The following NCOR2 variants were observed in gnomAD, a reference collection of about 807,000 sequenced individuals.
NCOR2 encodes the protein nuclear receptor corepressor 2.
Under a neutral mutation model 262.9 loss-of-function variants are expected in NCOR2, and 81 were observed. The ratio of observed to expected loss-of-function variants is 0.31; its 90% confidence interval spans 0.26 to 0.37. NCOR2 has a LOEUF of 0.37. Among genes scored for constraint, NCOR2 ranks in the 10% least tolerant of loss-of-function variants. The pLI, the probability that NCOR2 is intolerant of heterozygous loss-of-function variation, is 1.00. For synonymous variants in NCOR2, 1,659 were observed against 1,559.3 expected, an observed-to-expected ratio of 1.06 and a Z score of -1.51; for missense variants, 3,385 against 3,621.4, an observed-to-expected ratio of 0.93 and a Z score of 1.68.
At position 124,504,589 on chromosome 12, in the gene NCOR2, C is replaced by T. The variant is rs926436904; in HGVS notation, c.-117-9221G>A. 2.6e-5 allele frequency among the ~76,000 whole-genome samples: 4 copies of T among 152,298 alleles called. No individual in the cohort carries two copies. Among genetic ancestry groups the T allele is most frequent in the African/African-American group, 9.6e-5 (4 of 41,566 alleles). On this transcript the variant is annotated intron_variant, in intron 1 of 46. Transcript: ENST00000404621. The surrounding 1 kb of genome is among the most constrained non-coding windows in gnomAD (Gnocchi z 4.5). ...AAAACAAACAGAAAGGATTAGAATG[C>T]CCACAGCAGCACTATTTACATCAGC...
At chr12:124,383,408 G>T in intron 17 of NCOR2, 1 of 383,694 alleles carries the variant, frequency 2.6e-6, no homozygotes, top group Non-Finnish European at 4.3e-6. Context: ...CTGCATGTTC[G>T]TCCACGCCAG....
chr12:124,357,748 T>G (rs574163766), intron 22 of NCOR2, among the ~76,000 whole-genome samples: 1 of 152,354 alleles, frequency 6.6e-6, no homozygotes, highest in South Asian at 2.1e-4. Flanking sequence ...CAGGAAAAGC[T>G]TGCTGGCCTG....
chr12:124,456,772 G>T (rs926849403), intron 6 of NCOR2, among the ~76,000 whole-genome samples: 1 of 152,168 alleles, frequency 6.6e-6, no homozygotes, highest in African/African-American at 2.4e-5. Flanking sequence ...GGCTCTCCGC[G>T]CTCAGCTGGA....
rs1228385842 is a variant in NCOR2, at chr12:124,449,985, C to A, written c.763-118G>T. ...AGCTGTCCTCTGGGTGAGGGCTCAG[C>A]CGCAGGCAGGCATGAAACAGAACAC... On this transcript the variant is annotated intron_variant, in intron 6 of 46. Coordinates refer to ENST00000405201, the Ensembl canonical transcript of NCOR2. 3.0e-6 allele frequency: 3 copies of A among 1,014,164 alleles called. No individual in the cohort carries two copies. The African/African-American group carries it at 4.8e-5, about 16-fold the overall frequency. 62.8% of individuals were successfully genotyped at this position (1,014,164 alleles called of 1,614,324 possible). A position where few individuals can be genotyped will look rare whatever the true frequency, so the allele number is the denominator to read the frequency against.
chr12:124,525,579 T>A (rs2050421925), intron 1 of NCOR2, among the ~76,000 whole-genome samples: 2 of 152,244 alleles, frequency 1.3e-5, no homozygotes, highest in Non-Finnish European at 2.9e-5. Context: ...ATGTCCCACG[T>A]CCTGACCATC....
chr12:124,372,189 C>T (rs760706990), exon 20 of NCOR2: 8 of 1,601,508 alleles, frequency 5.0e-6, no homozygotes, highest in African/African-American at 4.0e-5. Flanking sequence ...CAGCGGCCTC[C>T]GCGTCCTTGC....
intron 13 of NCOR2, among the ~76,000 whole-genome samples, chr12:124,415,113 C>T (rs1357756838): frequency 6.6e-6 from 1 of 152,190 alleles, no homozygotes; most frequent in Non-Finnish European, 1.5e-5. Flanking sequence ...CATGCTGAGG[C>T]AGCGGGGTAG....
At chr12:124,547,609 C>G (rs2051579888) in intron 1 of NCOR2, among the ~76,000 whole-genome samples, 1 of 152,196 alleles carries the variant, frequency 6.6e-6, no homozygotes, top group East Asian at 1.9e-4. Flanking sequence ...CTATCTAATT[C>G]CAAAACATTT....
At chr12:124,431,701 C>G (rs2043950877) in intron 8 of NCOR2, among the ~76,000 whole-genome samples, 1 of 151,242 alleles carries the variant, frequency 6.6e-6, no homozygotes, top group African/African-American at 2.4e-5. Context: ...CATACAGTCA[C>G]AGACACACAC....
intron 6 of NCOR2, among the ~76,000 whole-genome samples, chr12:124,453,151 C>T (rs2045648476): frequency 6.6e-6 from 1 of 152,146 alleles, no homozygotes; most frequent in South Asian, 2.1e-4. Flanking sequence ...TCCCCAACAT[C>T]CCCCTCATCC....
At chr12:124,541,799 T>C in intron 1 of NCOR2, among the ~76,000 whole-genome samples, 1 of 9,310 alleles carries the variant, frequency 1.1e-4, no homozygotes, top group East Asian at 3.6e-3. Context: ...TGGGGGTGGA[T>C]ATGGAGGGGG....
At chr12:124,451,054 TGTGGCCA>T (rs2045494754) in intron 6 of NCOR2, among the ~76,000 whole-genome samples, 1 of 152,276 alleles carries the variant, frequency 6.6e-6, no homozygotes, top group Admixed American at 6.5e-5. Context: ...ATGACCTTGC[TGTGGCCA>T]GTGGAATTGC....
chr12:124,333,391 C>G, intron 41 of NCOR2, 112 bp from the exon 44 acceptor site: 1 of 1,041,488 alleles, frequency 9.6e-7, no homozygotes, highest in Non-Finnish European at 1.3e-6. Context: ...GTGGCCAAAT[C>G]ATAAACGTTT....
chr12:124,338,486 C>CG (rs1249575643), intron 37 of NCOR2, among the ~76,000 whole-genome samples: 6 of 140,308 alleles, frequency 4.3e-5, no homozygotes, highest in Non-Finnish European at 7.5e-5. Context: ...CCAGCCTGGG[C>CG]GACAGAGTAC....
chr12:124,451,186 C>T (rs149578323), intron 6 of NCOR2, among the ~76,000 whole-genome samples: 1 of 152,252 alleles, frequency 6.6e-6, no homozygotes, highest in Admixed American at 6.5e-5. Context: ...CAAGGAGCAG[C>T]GTGGTGCAAC....
In NCOR2 at chr12:124,523,119, G is replaced by A. The variant is rs759174477; in HGVS notation, c.-118+12446C>T. Among the ~76,000 whole-genome samples the A allele has an allele frequency of 5.9e-5, 9 of 152,202 alleles. No individual in the cohort carries two copies. The highest frequency in any genetic ancestry group is 1.2e-4 in the Non-Finnish European group (8 of 68,038). On this transcript the variant is annotated intron_variant, in intron 1 of 46. Coordinates refer to the NCOR2 transcript ENST00000404621. This position sits in a 1 kb window ranked among gnomAD's most constrained non-coding sequence, Gnocchi z 4.0. ...AGCATCAAAATGAAGCCCTGACCACGTTGGCTAAGGGAAGCCAACGGTACT... is the reference window on the plus strand; with the variant it reads ...AGCATCAAAATGAAGCCCTGACCACATTGGCTAAGGGAAGCCAACGGTACT...
At position 124,487,374 on chromosome 12, in the gene NCOR2, G is replaced by T. The variant is rs2047821853; in HGVS notation, c.106-806C>A. On this transcript the variant is annotated intron_variant, in intron 1 of 46. Transcript: ENST00000405201. ...GAACTCCCCGCTCGTATCACAGCCA[G>T]AAGGGTAAGCCTTAGGCAGACCTTC... Among the ~76,000 whole-genome samples the T allele has an allele frequency of 2.6e-5, 4 of 152,256 alleles. No homozygotes were observed. The South Asian group carries it at 8.3e-4, about 31-fold the overall frequency.
In NCOR2 at chr12:124,495,132, T is replaced by C. The variant is rs201531964; in HGVS notation, c.105+15A>G. 6 of 1,613,068 alleles carry C rather than the reference T, an allele frequency of 3.7e-6. No individual in the cohort carries two copies. The highest frequency in any genetic ancestry group is 1.3e-5 in the African/African-American group (1 of 74,972). On this transcript the variant is annotated intron_variant, in intron 1 of 46. Coordinates refer to ENST00000405201, the Ensembl canonical transcript of NCOR2. This position sits in a 1 kb window ranked among gnomAD's most constrained non-coding sequence, Gnocchi z 4.4. Reference sequence around the variant, plus strand: ...TCAAAGGTAGCCCCAGGCGCACACATGTGCACCCCCTTACCGTGTGCGTCC... The same window carrying C: ...TCAAAGGTAGCCCCAGGCGCACACACGTGCACCCCCTTACCGTGTGCGTCC...
chr12:124,333,882 G>GCGTA (rs2035530842), intron 41 of NCOR2, among the ~76,000 whole-genome samples: 1 of 117,710 alleles, frequency 8.5e-6, no homozygotes, highest in East Asian at 2.7e-4. Flanking sequence ...GTGTGCGGGT[G>GCGTA]TGCATGTGTG....
Sources: allele counts gnomAD v4.1 joint callset (sites outside exome capture counted in the v4.1 genomes callset), GRCh38; gene constraint gnomAD v4.1.1; non-coding constraint Gnocchi (gnomAD v3.1); transcripts MANE v1.5; gene names NCBI Gene and HGNC (gene_info 2026-07-23, HGNC 2026-07-21).